The following CACNA2D1 variants were observed in gnomAD, a reference collection of about 807,000 sequenced individuals.
CACNA2D1 encodes voltage-dependent calcium channel subunit alpha-2/delta-1.
CACNA2D1 carries 53 observed loss-of-function variants against 171.5 expected under a neutral mutation model. The observed-to-expected ratio is 0.31, with a 90% CI of 0.25 to 0.39. CACNA2D1 has a LOEUF of 0.39. Among genes scored for constraint, CACNA2D1 ranks in the 10% least tolerant of loss-of-function variants. The pLI, the probability that CACNA2D1 is intolerant of heterozygous loss-of-function variation, is 1.00. For missense variants in CACNA2D1, 903 were observed against 1,299.8 expected (o/e 0.69, Z 4.69); for synonymous variants, 442 against 443.1 (o/e 1.00, Z 0.03).
intron 26 of CACNA2D1, among the ~76,000 whole-genome samples, 174 bp downstream of exon 26, chr7:81,971,603 A>C (rs1174138024): frequency 6.6e-6 from 1 of 151,734 alleles, no homozygotes; most frequent in African/African-American, 2.4e-5. Flanking sequence ...ATTAGTACTG[A>C]AAAACACCCA....
intron 3 of CACNA2D1, among the ~76,000 whole-genome samples, chr7:82,210,166 G>A (rs940499793): frequency 3.9e-5 from 6 of 152,032 alleles, no homozygotes; most frequent in African/African-American, 1.2e-4. Flanking sequence ...TGAATTGAGG[G>A]TAATTAATAA....
intron 1 of CACNA2D1, among the ~76,000 whole-genome samples, chr7:82,378,167 G>A (rs909433878): frequency 2.6e-5 from 4 of 152,170 alleles, no homozygotes; most frequent in South Asian, 2.1e-4. Flanking sequence ...GGAGGACAAG[G>A]CAAGAGGACT....
chr7:82,277,503 T>C (rs1454462073), intron 3 of CACNA2D1, among the ~76,000 whole-genome samples: 2 of 152,038 alleles, frequency 1.3e-5, no homozygotes, highest in Non-Finnish European at 2.9e-5. Context: ...CCCAACCCCC[T>C]TTTTTTATAT....
At chr7:82,156,710 CTT>C (rs924664738) in intron 4 of CACNA2D1, among the ~76,000 whole-genome samples, 13 of 151,438 alleles carry the variant, frequency 8.6e-5, no homozygotes, top group African/African-American at 3.2e-4. Context: ...TTTTTTAAAT[CTT>C]TTTCTTTGTG....
At chr7:82,307,588 G>A (rs898380108) in intron 3 of CACNA2D1, among the ~76,000 whole-genome samples, 1 of 151,388 alleles carries the variant, frequency 6.6e-6, no homozygotes, top group African/African-American at 2.4e-5. Context: ...TGTAACTTTT[G>A]ACATTTTGGG....
At chr7:81,995,462 T>G (rs1018163644) in intron 19 of CACNA2D1, among the ~76,000 whole-genome samples, 1 of 152,154 alleles carries the variant, frequency 6.6e-6, no homozygotes, top group Non-Finnish European at 1.5e-5. Flanking sequence ...TTTAGAATAA[T>G]AGAGTTGAGT....
Position 82,084,494 on chromosome 7 carries a change from T to C in CACNA2D1, c.658+275A>G, listed in dbSNP as rs73151543. ...AGAGCTGTTTTAAGATTGATGGTAATTTCCTGTTCCAGGTATATACCTAAG... is the reference window on the plus strand; with the variant it reads ...AGAGCTGTTTTAAGATTGATGGTAACTTCCTGTTCCAGGTATATACCTAAG... On this transcript the variant is annotated intron_variant, in intron 7 of 38. Coordinates refer to ENST00000356860, the MANE Select transcript of CACNA2D1 (RefSeq NM_000722.4). Among the ~76,000 whole-genome samples the C allele has an allele frequency of 0.069, 10,445 of 152,244 alleles. 517 individuals are homozygous for C. The highest frequency in any genetic ancestry group is 0.1 in the Non-Finnish European group (6,853 of 68,010).
intron 3 of CACNA2D1, among the ~76,000 whole-genome samples, chr7:82,279,844 A>G (rs1251392337): frequency 1.3e-5 from 2 of 152,186 alleles, no homozygotes; most frequent in African/African-American, 4.8e-5. Context: ...TTAACCTAAA[A>G]TGTAATTAGA....
chr7:82,324,390 T>TAA (rs1177282681), intron 3 of CACNA2D1, among the ~76,000 whole-genome samples: 4 of 90,368 alleles, frequency 4.4e-5, no homozygotes, highest in Non-Finnish European at 1.1e-4. Context: ...AGGAGTTGTT[T>TAA]TAAAAAAAAA....
At chr7:82,408,465 T>C (rs1256275567) in intron 1 of CACNA2D1, among the ~76,000 whole-genome samples, 1 of 152,174 alleles carries the variant, frequency 6.6e-6, no homozygotes, top group African/African-American at 2.4e-5. Flanking sequence ...ATACTTTGTA[T>C]GACATCTGAA....
At chr7:81,968,791 T>C (rs1007410363) in intron 29 of CACNA2D1, 96 bp downstream of exon 29, 2 of 768,048 alleles carry the variant, frequency 2.6e-6, no homozygotes, top group Non-Finnish European at 2.3e-6. Context: ...TTGACACCTT[T>C]TGATGACCTT....
rs369312033 is a variant in CACNA2D1, at chr7:82,016,461, AAAAT to A, written c.1144-1986_1144-1983del. Among the ~76,000 whole-genome samples, 605 of 152,224 alleles carry A rather than the reference AAAAT, an allele frequency of 4.0e-3. 4 individuals are homozygous for A. The highest frequency in any genetic ancestry group is 0.014 in the African/African-American group (578 of 41,528). ...TTTTCATAAAATACTTTTCAGTAAA[AAAAT>A]AAACAAGTAAGACTATATGAATCTT... On this transcript the variant is annotated intron_variant, in intron 12 of 38. Transcript: ENST00000356860.
At chr7:82,097,852 G>A (rs916000762) in intron 6 of CACNA2D1, among the ~76,000 whole-genome samples, 6 of 152,032 alleles carry the variant, frequency 3.9e-5, no homozygotes, top group African/African-American at 1.2e-4. Flanking sequence ...AGTAGCTCAC[G>A]CCTGTAATCC....
At chr7:82,237,274 C>T (rs1429905064) in intron 3 of CACNA2D1, among the ~76,000 whole-genome samples, 1 of 151,804 alleles carries the variant, frequency 6.6e-6, no homozygotes, top group Non-Finnish European at 1.5e-5. Flanking sequence ...CTGACATTTT[C>T]AATTTGAATA....
At chr7:82,023,678 A>G (rs993966866) in intron 12 of CACNA2D1, among the ~76,000 whole-genome samples, 17 of 151,684 alleles carry the variant, frequency 1.1e-4, no homozygotes, top group Non-Finnish European at 1.3e-4. Flanking sequence ...CTACCATCCT[A>G]TGGTGAGATC....
chr7:82,416,952 T>C (rs1015772278), intron 1 of CACNA2D1, among the ~76,000 whole-genome samples: 1 of 152,194 alleles, frequency 6.6e-6, no homozygotes, highest in African/African-American at 2.4e-5. Context: ...TGGAATATAA[T>C]ACATAGTAAT....
intron 18 of CACNA2D1, among the ~76,000 whole-genome samples, chr7:82,003,527 T>C (rs1234105778): frequency 4.0e-5 from 6 of 151,174 alleles, no homozygotes; most frequent in Admixed American, 4.0e-4. Flanking sequence ...GGAAAAAAAC[T>C]TCAAATTATT....
intron 1 of CACNA2D1, among the ~76,000 whole-genome samples, chr7:82,386,804 C>T (rs1012771896): frequency 6.6e-6 from 1 of 151,140 alleles, no homozygotes; most frequent in Admixed American, 6.6e-5. Context: ...TTAGCAAAAA[C>T]ACACAGTGCA....
chr7:82,255,028 G>T (rs1806126784), intron 3 of CACNA2D1, among the ~76,000 whole-genome samples: 1 of 152,126 alleles, frequency 6.6e-6, no homozygotes, highest in African/African-American at 2.4e-5. Flanking sequence ...TCACAGATCT[G>T]CAAGGTTCTA....
Sources: allele counts gnomAD v4.1 joint callset (sites outside exome capture counted in the v4.1 genomes callset), GRCh38; gene constraint gnomAD v4.1.1; transcripts MANE v1.5; gene names NCBI Gene and HGNC (gene_info 2026-07-23, HGNC 2026-07-21).